The following LRP11 variants were observed in gnomAD, a reference collection of about 807,000 sequenced individuals.
The protein encoded by LRP11 is LDL receptor related protein 11.
In LRP11, 25 loss-of-function variants were observed where a neutral mutation model predicts 43.1. That is an observed-to-expected ratio of 0.58 (90% CI 0.42 to 0.81). The LOEUF (loss-of-function observed/expected upper bound fraction) is 0.81, where lower values mean the gene tolerates loss of function less well. Ranked by LOEUF, LRP11 falls within the 30% of genes least tolerant of loss-of-function variation. The probability of loss-of-function intolerance (pLI) is 0.00; values close to 1 mark genes in which losing one functional copy is unlikely to be tolerated. For synonymous variants in LRP11, 316 were observed against 299.4 expected, an observed-to-expected ratio of 1.06 and a Z score of -0.57; for missense variants, 623 against 665.1, an observed-to-expected ratio of 0.94 and a Z score of 0.70.
intron 5 of LRP11, among the ~76,000 whole-genome samples, chr6:149,828,559 G>T (rs1308696731): frequency 6.6e-6 from 1 of 151,332 alleles, no homozygotes; most frequent in African/African-American, 2.4e-5. Context: ...TGCAATCTCA[G>T]CTCACTGCAG....
chr6:149,837,562 C>T lies in LRP11; in HGVS notation c.914-99G>A, dbSNP rs755242399. ...TCCGTGGGGATGATAAAATGCACTT[C>T]GGGGAAGAGATGCAAATAATGAGGC... On this transcript the variant is annotated intron_variant, in intron 3 of 6. Transcript: ENST00000239367. 2.3e-5 allele frequency: 29 copies of T among 1,246,774 alleles called. No homozygotes were observed. The Admixed American group carries it at 4.6e-4, about 20-fold the overall frequency. 77.2% of individuals were successfully genotyped at this position (1,246,774 alleles called of 1,614,324 possible). A position where few individuals can be genotyped will look rare whatever the true frequency, so the allele number is the denominator to read the frequency against.
chr6:149,848,015 A>C (rs1461320775), intron 2 of LRP11, among the ~76,000 whole-genome samples: 1 of 152,192 alleles, frequency 6.6e-6, no homozygotes, highest in African/African-American at 2.4e-5. Context: ...TCCTTTAGCA[A>C]GCTTCCTTAC....
chr6:149,840,167 A>G (rs1273380686), intron 3 of LRP11, among the ~76,000 whole-genome samples: 1 of 152,204 alleles, frequency 6.6e-6, no homozygotes, highest in Non-Finnish European at 1.5e-5. Context: ...CTTGGTTACC[A>G]TAACATCTGG....
At chr6:149,835,836 G>A (rs1776463863) in intron 5 of LRP11, among the ~76,000 whole-genome samples, 1 of 152,158 alleles carries the variant, frequency 6.6e-6, no homozygotes, top group Non-Finnish European at 1.5e-5. Context: ...CGTAAGCTAA[G>A]TGTTAATGTA....
At chr6:149,836,609 C>T (rs915885089) in intron 4 of LRP11, among the ~76,000 whole-genome samples, 6 of 152,070 alleles carry the variant, frequency 3.9e-5, no homozygotes, top group African/African-American at 1.2e-4. Context: ...CCCACGAGTT[C>T]GTGACCAGCC....
rs1181385841 is a variant in LRP11, at chr6:149,851,181, GT to G, written c.771+1821del. On this transcript the variant is annotated intron_variant, in intron 2 of 6. Transcript: ENST00000239367. ...ATACACGATTGGGAACTGGTTCAGA[GT>G]TTCCTCTTGAAGGCAAGAAAAATGC... Among the ~76,000 whole-genome samples, 6 of 152,316 alleles carry G rather than the reference GT, an allele frequency of 3.9e-5. No individual in the cohort carries two copies. The South Asian group carries it at 6.2e-4, about 16-fold the overall frequency.
chr6:149,852,473 A>T (rs1472479848), intron 2 of LRP11: 1 of 151,552 alleles, frequency 6.6e-6, no homozygotes, highest in Non-Finnish European at 1.5e-5. Flanking sequence ...CGGCTATCCC[A>T]GGAGCCCCGG....
intron 1 of LRP11, among the ~76,000 whole-genome samples, chr6:149,853,647 A>C (rs1231021508): frequency 6.6e-6 from 1 of 152,130 alleles, no homozygotes; most frequent in Non-Finnish European, 1.5e-5. Context: ...AGCTGGGATT[A>C]CATGTGTGTG....
chr6:149,837,693 T>C (rs952273448), intron 3 of LRP11, among the ~76,000 whole-genome samples: 2 of 152,160 alleles, frequency 1.3e-5, no homozygotes, highest in African/African-American at 4.8e-5. Context: ...CTGAGGGCTG[T>C]TCTCCATGCT....
In LRP11 at chr6:149,864,152, G is replaced by T; in HGVS notation, c.-132C>A. The T allele has an allele frequency of 3.5e-6, 4 of 1,153,346 alleles. No homozygotes were observed. Among genetic ancestry groups the T allele is most frequent in the Non-Finnish European group, 4.3e-6 (4 of 938,366 alleles). The allele number at this position is 1,153,346 out of a possible 1,614,324, so 71.4% of individuals were successfully genotyped here. A position where few individuals can be genotyped will look rare whatever the true frequency, so the allele number is the denominator to read the frequency against. On this transcript the variant is annotated 5_prime_UTR_variant, in exon 1 of 7. Transcript: ENST00000239367. ...GCTCTAGGCCCCGGCCTCACAGCGC[G>T]GCGCCCCCGAACCCGGCTGCTCCCC...
At chr6:149,849,915 A>T (rs1776694214) in intron 2 of LRP11, among the ~76,000 whole-genome samples, 3 of 152,188 alleles carry the variant, frequency 2.0e-5, no homozygotes, top group Admixed American at 2.0e-4. Context: ...GGTCACTTGG[A>T]CATGAAAAGA....
chr6:149,822,423 A>T (rs1262548012), intron 6 of LRP11, among the ~76,000 whole-genome samples: 1 of 151,906 alleles, frequency 6.6e-6, no homozygotes, highest in East Asian at 1.9e-4. Flanking sequence ...CAGAAGGATC[A>T]CTTGAGTCTG....
At chr6:149,824,575 C>T (rs1319318403) in intron 6 of LRP11, among the ~76,000 whole-genome samples, 1 of 152,060 alleles carries the variant, frequency 6.6e-6, no homozygotes, top group Admixed American at 6.6e-5. Context: ...AAATATGTAA[C>T]AGGCTGGGCA....
rs753131931 is a variant in LRP11 at position 149,827,833 on chromosome 6, C to T, written c.1253-1474G>A. 1.4e-4 allele frequency among the ~76,000 whole-genome samples: 22 copies of T among 152,154 alleles called. No individual in the cohort carries two copies. The highest frequency in any genetic ancestry group is 2.8e-4 in the Non-Finnish European group (19 of 68,028). ...GCCGCACGCAGTGGCTCATGCCTGG[C>T]CAACATGGCAAAACCCTGTCTCTAC... On this transcript the variant is annotated intron_variant, in intron 5 of 6. Transcript: ENST00000239367. The surrounding 1 kb of genome is among the most constrained non-coding windows in gnomAD (Gnocchi z 4.2).
At chr6:149,839,107 C>T (rs560605732) in intron 3 of LRP11, among the ~76,000 whole-genome samples, 16 of 148,396 alleles carry the variant, frequency 1.1e-4, no homozygotes, top group African/African-American at 3.3e-4. Flanking sequence ...GTTGCCCAGG[C>T]TGGTCTTGAA....
At chr6:149,836,900 T>G (rs1776479117) in intron 4 of LRP11, among the ~76,000 whole-genome samples, 1 of 152,112 alleles carries the variant, frequency 6.6e-6, no homozygotes, top group African/African-American at 2.4e-5. Context: ...CTTCCTCAAA[T>G]CCATACTTCA....
At position 149,819,518 on chromosome 6, in the gene LRP11, T is replaced by C. The variant is rs1182656403; in HGVS notation, c.*1031A>G. 4 of 152,664 alleles carry C rather than the reference T, an allele frequency of 2.6e-5. No individual in the cohort carries two copies. Among genetic ancestry groups the C allele is most frequent in the African/African-American group, 9.6e-5 (4 of 41,462 alleles). 9.5% of individuals were successfully genotyped at this position (152,664 alleles called of 1,614,324 possible). A position where few individuals can be genotyped will look rare whatever the true frequency, so the allele number is the denominator to read the frequency against. On this transcript the variant is annotated 3_prime_UTR_variant, in exon 7 of 7. Coordinates refer to ENST00000239367, the MANE Select transcript of LRP11 (RefSeq NM_032832.6). ...GATGAATTTGTGAAAAACTGCTTTA[T>C]GGTCTAGAAATACGTAAGCCTGGCA... is the stretch of plus-strand genomic sequence containing the variant.
chr6:149,826,599 T>C (rs1293843715), intron 5 of LRP11, among the ~76,000 whole-genome samples: 1 of 102,652 alleles, frequency 9.7e-6, no homozygotes, highest in Non-Finnish European at 1.7e-5. Context: ...AGACACACCC[T>C]GCACCGAACT....
At chr6:149,843,298 C>T (rs1270754055) in intron 2 of LRP11, among the ~76,000 whole-genome samples, 174 bp from the exon 3 acceptor site, 2 of 152,234 alleles carry the variant, frequency 1.3e-5, no homozygotes, top group African/African-American at 4.8e-5. Context: ...ACCTTGAACT[C>T]ATAAGTTCTA....
Sources: allele counts gnomAD v4.1 joint callset (sites outside exome capture counted in the v4.1 genomes callset), GRCh38; gene constraint gnomAD v4.1.1; non-coding constraint Gnocchi (gnomAD v3.1); transcripts MANE v1.5; gene names NCBI Gene and HGNC (gene_info 2026-07-23, HGNC 2026-07-21).